PSEN1: variants seen among roughly 807,000 people sequenced by gnomAD.
PSEN1 encodes presenilin 1, also known as presenilin-1.
PSEN1 carries 15 observed loss-of-function variants against 53.5 expected under a neutral mutation model. The ratio of observed to expected loss-of-function variants is 0.28; its 90% CI spans 0.19 to 0.43. The LOEUF is 0.43. Ranked by LOEUF, PSEN1 falls within the 20% of genes least tolerant of loss-of-function variation. The pLI is 1.00. For missense variants in PSEN1, 387 were observed against 571.2 expected (o/e 0.68, Z 3.29); for synonymous variants, 208 against 209.8 (o/e 0.99, Z 0.08).
At chr14:73,215,021 C>G (rs1302239854) in intron 10 of PSEN1, among the ~76,000 whole-genome samples, 1 of 151,920 alleles carries the variant, frequency 6.6e-6, no homozygotes, top group East Asian at 1.9e-4. Context: ...GAGTGCAGTG[C>G]TGGGATCTCA....
intron 4 of PSEN1, among the ~76,000 whole-genome samples, chr14:73,172,734 T>G (rs561884041): frequency 6.6e-6 from 1 of 152,252 alleles, no homozygotes; most frequent in African/African-American, 2.4e-5. Flanking sequence ...ATGCACATAC[T>G]TTCTCTCTCA....
chr14:73,155,988 A>T (rs929641219), intron 3 of PSEN1, among the ~76,000 whole-genome samples: 5 of 152,106 alleles, frequency 3.3e-5, no homozygotes, highest in African/African-American at 9.7e-5. Context: ...TGGAGGGGTT[A>T]TGTGGGAACT....
At chr14:73,185,036 C>T (rs1303662652) in intron 5 of PSEN1, among the ~76,000 whole-genome samples, 2 of 151,928 alleles carry the variant, frequency 1.3e-5, no homozygotes, top group Non-Finnish European at 2.9e-5. Flanking sequence ...CTCCTCACTT[C>T]CTAGATGTGA....
intron 7 of PSEN1, among the ~76,000 whole-genome samples, chr14:73,197,180 A>G (rs112592871): frequency 2.5e-4 from 38 of 151,700 alleles, no homozygotes; most frequent in South Asian, 6.2e-4. Context: ...TGATCCGCCC[A>G]CCTCGGCCTC....
chr14:73,173,193 C>A (rs1897941421), intron 4 of PSEN1, among the ~76,000 whole-genome samples: 2 of 152,196 alleles, frequency 1.3e-5, no homozygotes, highest in Non-Finnish European at 2.9e-5. Flanking sequence ...TTTCTTCTGA[C>A]AACCACTTGT....
Position 73,192,678 on chromosome 14 carries a change from T to C in PSEN1, c.583T>C (p.Tyr195His). ...TAAAACCTATAACGTTGCTGTGGAC[T>C]ACATTACTGTTGCACTCCTGATCTG... The part of the protein sequence containing the change: ...VFKTYNVAVD[Y>H]ITVALLIWNF... The change falls in exon 7 of 12, where the codon TAC becomes CAC. Residue 195 changes from tyrosine (Y) to histidine (H), a missense_variant. Transcript: ENST00000324501. The C allele has an allele frequency of 6.2e-7, 1 of 1,614,140 alleles. No individual in the cohort carries two copies. Among genetic ancestry groups the C allele is most frequent in the Non-Finnish European group, 8.5e-7 (1 of 1,179,966 alleles).
intron 1 of PSEN1, among the ~76,000 whole-genome samples, chr14:73,144,222 G>A (rs1897006242): frequency 6.6e-6 from 1 of 151,556 alleles, no homozygotes; most frequent in East Asian, 1.9e-4. Context: ...TGTATTTTTT[G>A]GTAGAGATCG....
At chr14:73,196,474 A>ATTTT (rs35294154) in intron 7 of PSEN1, among the ~76,000 whole-genome samples, 63 of 102,266 alleles carry the variant, frequency 6.2e-4, no homozygotes, top group African/African-American at 1.3e-3. Context: ...GAGGCATGAA[A>ATTTT]TTTTTTTTTT....
At position 73,222,509 on chromosome 14, in the gene PSEN1, C is replaced by G. The variant is rs1900136730; in HGVS notation, c.*3220C>G. 1 of 152,140 alleles carries G rather than the reference C, an allele frequency of 6.6e-6. No homozygotes were observed. The highest frequency in any genetic ancestry group is 6.5e-5 in the Admixed American group (1 of 15,278). The allele number at this position is 152,140 out of a possible 1,614,324, so 9.4% of individuals were successfully genotyped here. On this transcript the variant is annotated 3_prime_UTR_variant, in exon 12 of 12. Coordinates refer to ENST00000324501, the MANE Select transcript of PSEN1 (RefSeq NM_000021.4). ...ACTGCGGGAAGCCTTTGATCCCAAC[C>G]CCCAAGGCTTTGTATATTTGATCAT...
intron 1 of PSEN1, among the ~76,000 whole-genome samples, chr14:73,142,999 C>G (rs1333478811): frequency 6.6e-6 from 1 of 152,152 alleles, no homozygotes; most frequent in Non-Finnish European, 1.5e-5. Flanking sequence ...ATGAAAGATC[C>G]TCAGATCTGG....
At chr14:73,191,610 T>C (rs1164721801) in intron 6 of PSEN1, among the ~76,000 whole-genome samples, 1 of 152,054 alleles carries the variant, frequency 6.6e-6, no homozygotes, top group African/African-American at 2.4e-5. Context: ...TGCAGTAGTG[T>C]GATCATAGCT....
intron 5 of PSEN1, among the ~76,000 whole-genome samples, chr14:73,180,651 G>A (rs1362762659): frequency 6.6e-6 from 1 of 152,168 alleles, no homozygotes; most frequent in Admixed American, 6.5e-5. Flanking sequence ...ATTAAAGTCA[G>A]ATGATTTCTG....
At chr14:73,160,643 C>T (rs973336701) in intron 3 of PSEN1, among the ~76,000 whole-genome samples, 1 of 151,812 alleles carries the variant, frequency 6.6e-6, no homozygotes, top group Non-Finnish European at 1.5e-5. Context: ...TGATGTTGAG[C>T]ATCTTTTCTT....
intron 3 of PSEN1, among the ~76,000 whole-genome samples, chr14:73,170,405 A>G (rs1233171246): frequency 1.3e-5 from 2 of 152,220 alleles, no homozygotes; most frequent in Non-Finnish European, 2.9e-5. Flanking sequence ...AGTCTTATTA[A>G]TTAAGGTAAG....
intron 3 of PSEN1, among the ~76,000 whole-genome samples, chr14:73,158,572 T>G (rs1044650118): frequency 6.6e-6 from 1 of 152,172 alleles, no homozygotes; most frequent in Non-Finnish European, 1.5e-5. Flanking sequence ...GTGATCTGCC[T>G]CGGCCCCCCA....
chr14:73,197,005 G>T lies in PSEN1; in HGVS notation c.770-1026G>T, dbSNP rs370352758. ...TGGAGTGCAGTGGCGCAATCTCGGC[G>T]CACTGCAAGCTCCGCTTCCCGGGTT... On this transcript the variant is annotated intron_variant, in intron 7 of 11. Coordinates refer to ENST00000324501, the MANE Select transcript of PSEN1 (RefSeq NM_000021.4). Among the ~76,000 whole-genome samples the T allele has an allele frequency of 3.3e-4, 49 of 147,366 alleles. No homozygotes were observed. In the East Asian group the frequency reaches 8.3e-3, roughly 25 times the overall value.
At chr14:73,184,217 T>C (rs1191108526) in intron 5 of PSEN1, among the ~76,000 whole-genome samples, 2 of 81,980 alleles carry the variant, frequency 2.4e-5, no homozygotes, top group Admixed American at 1.2e-4. Context: ...CCCCCCCACC[T>C]CCCTCCCGGA....
At chr14:73,149,965 G>C (rs575138549) in intron 3 of PSEN1, among the ~76,000 whole-genome samples, 1 of 152,300 alleles carries the variant, frequency 6.6e-6, no homozygotes, top group Non-Finnish European at 1.5e-5. Context: ...CCTTTTGTGG[G>C]CTGCTGTGCA....
intron 6 of PSEN1, among the ~76,000 whole-genome samples, chr14:73,190,616 T>C (rs1472049295): frequency 2.0e-5 from 3 of 152,140 alleles, no homozygotes; most frequent in Non-Finnish European, 4.4e-5. Context: ...TCAGGCACGG[T>C]GGCTCACACC....
Sources: allele counts gnomAD v4.1 joint callset (sites outside exome capture counted in the v4.1 genomes callset), GRCh38; gene constraint gnomAD v4.1.1; transcripts MANE v1.5; gene names NCBI Gene and HGNC (gene_info 2026-07-23, HGNC 2026-07-21).